XRCC5: variants seen among roughly 807,000 people sequenced by gnomAD.
XRCC5 encodes the protein X-ray repair cross complementing 5.
Under a neutral mutation model 95.7 loss-of-function variants are expected in XRCC5, and 12 were observed. The observed-to-expected ratio is 0.13, with a 90% CI of 0.08 to 0.20. The LOEUF (loss-of-function observed/expected upper bound fraction) is 0.20. XRCC5 is among the 10% of genes least tolerant of loss of function. The pLI, the probability that XRCC5 is intolerant of heterozygous loss-of-function variation, is 1.00. For synonymous variants in XRCC5, 281 were observed against 290.3 expected (o/e 0.97, Z 0.33); for missense variants, 595 against 873.9 (o/e 0.68, Z 4.02).
At chr2:216,110,839 C>G (rs1215257512) in intron 1 of XRCC5, among the ~76,000 whole-genome samples, 1 of 151,408 alleles carries the variant, frequency 6.6e-6, no homozygotes, top group Admixed American at 6.6e-5. Flanking sequence ...GGCATTGAAA[C>G]TGGGATGTGC....
intron 13 of XRCC5, among the ~76,000 whole-genome samples, chr2:216,144,859 G>T (rs928537540): frequency 8.5e-5 from 13 of 152,178 alleles, no homozygotes; most frequent in African/African-American, 3.1e-4. Flanking sequence ...GTAGAGAACT[G>T]CAACACGTGA....
At chr2:216,134,864 C>T (rs1205358362) in intron 10 of XRCC5, among the ~76,000 whole-genome samples, 1 of 152,190 alleles carries the variant, frequency 6.6e-6, no homozygotes, top group Non-Finnish European at 1.5e-5. Context: ...TGGGACTTAA[C>T]TATTAGAACA....
chr2:216,172,938 T>C (rs1487980573), intron 16 of XRCC5, among the ~76,000 whole-genome samples: 2 of 152,252 alleles, frequency 1.3e-5, no homozygotes, highest in Non-Finnish European at 2.9e-5. Context: ...TTTATAGTTT[T>C]TAGTGTACAA....
chr2:216,118,343 T>C (rs1559237247), intron 4 of XRCC5, among the ~76,000 whole-genome samples: 1 of 152,018 alleles, frequency 6.6e-6, no homozygotes, highest in Non-Finnish European at 1.5e-5. Flanking sequence ...TCCAGCTAAT[T>C]TTAAAATTTT....
intron 20 of XRCC5, 83 bp downstream of exon 20, chr2:216,204,479 A>T: frequency 6.9e-7 from 1 of 1,449,954 alleles, no homozygotes; most frequent in Non-Finnish European, 9.7e-7. Flanking sequence ...TGATTATCTT[A>T]CACTTGTTGC....
intron 16 of XRCC5, 60 bp downstream of exon 16, chr2:216,162,108 CTAGAT>C: frequency 6.8e-7 from 1 of 1,465,108 alleles, no homozygotes; most frequent in Non-Finnish European, 9.6e-7. Context: ...AATTTAAAGT[CTAGAT>C]TAAGAACTGT....
chr2:216,148,326 G>A (rs1364938340), intron 14 of XRCC5, 50 bp downstream of exon 14: 2 of 1,537,908 alleles, frequency 1.3e-6, no homozygotes, highest in East Asian at 4.6e-5. Flanking sequence ...TAAGAGTTGT[G>A]GTCATTTTAG....
intron 16 of XRCC5, among the ~76,000 whole-genome samples, chr2:216,184,049 TGTGTGTGTGTGTGTGTGTGTGTGTGA>T (rs1352247308): frequency 1.3e-5 from 2 of 148,470 alleles, no homozygotes; most frequent in African/African-American, 4.9e-5. Flanking sequence ...TGTGTGTGTG[TGTGTGTGTGTGTGTGTGTGTGTGTGA>T]TTTAGAGAAA....
chr2:216,193,749 A>G (rs555115045), intron 18 of XRCC5, among the ~76,000 whole-genome samples: 39 of 152,378 alleles, frequency 2.6e-4, no homozygotes, highest in African/African-American at 7.7e-4. Flanking sequence ...TGCAAAATCC[A>G]TATTTTCTGA....
At chr2:216,188,861 G>C (rs1190879320) in intron 16 of XRCC5, among the ~76,000 whole-genome samples, 1 of 152,222 alleles carries the variant, frequency 6.6e-6, no homozygotes, top group East Asian at 1.9e-4. Context: ...CGTTGGTAAA[G>C]ATTTTTGAAA....
At chr2:216,200,482 T>C (rs1689815938) in intron 19 of XRCC5, among the ~76,000 whole-genome samples, 1 of 152,226 alleles carries the variant, frequency 6.6e-6, no homozygotes, top group Non-Finnish European at 1.5e-5. Context: ...TGTTACCCAA[T>C]ATTTATTTAA....
intron 15 of XRCC5, among the ~76,000 whole-genome samples, chr2:216,160,685 TAA>T (rs1491465521): frequency 2.6e-5 from 4 of 151,380 alleles, no homozygotes; most frequent in Admixed American, 6.6e-5. Flanking sequence ...ATTAATTAAT[TAA>T]TTAATTTTTA....
In XRCC5 at chr2:216,187,466, C is replaced by CTGTGTGTGTGTG. The variant is rs140171958; in HGVS notation, c.1835-2715_1835-2704dup. ...AATATTTTTCTCTGTAAGATAGCAA[C>CTGTGTGTGTGTG]TGTGTGTGTGTGTGTGTGTGTGTGT... is the stretch of plus-strand genomic sequence containing the variant. On this transcript the variant is annotated intron_variant, in intron 16 of 20. Transcript: ENST00000392132. 9.6e-4 allele frequency among the ~76,000 whole-genome samples: 107 copies of CTGTGTGTGTGTG among 111,370 alleles called. 1 individual carries two copies. Among genetic ancestry groups the CTGTGTGTGTGTG allele is most frequent in the Middle Eastern group, 5.6e-3 (1 of 180 alleles). The allele number at this position is 111,370 out of a possible 152,430, so 73.1% of individuals were successfully genotyped here. A position where few individuals can be genotyped will look rare whatever the true frequency, so the allele number is the denominator to read the frequency against.
At position 216,162,040 on chromosome 2, in the gene XRCC5, T is replaced by C; in HGVS notation, c.1826T>C (p.Phe609Ser). The change falls in exon 16 of 21, where the codon TTT becomes TCT. Residue 609 changes from phenylalanine to serine, a missense_variant. Coordinates refer to ENST00000392132, the MANE Select transcript of XRCC5 (RefSeq NM_021141.4). ...CTAGTGAAACAGAAGAAGGCCAGCT[T>C]TGAGGAAGGTGAGTGGTTGACTTTG... is the stretch of plus-strand genomic sequence containing the variant. ...RVLVKQKKAS[F>S]EEASNQLINH... The C allele has an allele frequency of 6.2e-7, 1 of 1,614,120 alleles. No individual in the cohort carries two copies. The highest frequency in any genetic ancestry group is 1.1e-5 in the South Asian group (1 of 91,080).
intron 16 of XRCC5, among the ~76,000 whole-genome samples, chr2:216,165,074 CTG>C (rs1289740361): frequency 6.6e-6 from 1 of 152,184 alleles, no homozygotes; most frequent in African/African-American, 2.4e-5. Context: ...GATGGATAAA[CTG>C]TAAAATTGGA....
chr2:216,130,615 G>C, intron 8 of XRCC5: 1 of 303,788 alleles, frequency 3.3e-6, no homozygotes, highest in Non-Finnish European at 6.0e-6. Context: ...GGTAATCATT[G>C]AGCTAACTAG....
chr2:216,146,834 C>T (rs370065288), intron 13 of XRCC5, among the ~76,000 whole-genome samples: 10 of 152,204 alleles, frequency 6.6e-5, no homozygotes, highest in African/African-American at 1.7e-4. Context: ...TTCTTGACAC[C>T]GCTGTCAACA....
Position 216,159,529 on chromosome 2 carries a change from G to A in XRCC5, c.1671-539G>A, listed in dbSNP as rs1688910340. On this transcript the variant is annotated intron_variant, in intron 14 of 20. Transcript: ENST00000392132. The stretch of plus-strand genomic sequence containing the variant: ...TTATAGTTTACGACTTCTTTAAGAG[G>A]GAAAGCTCTTGCATAGTTAATTAAG... 2.6e-5 allele frequency among the ~76,000 whole-genome samples: 4 copies of A among 152,088 alleles called. No individual in the cohort carries two copies. The South Asian group carries it at 8.3e-4, about 31-fold the overall frequency.
intron 10 of XRCC5, among the ~76,000 whole-genome samples, chr2:216,136,141 G>T (rs1038985929): frequency 2.0e-5 from 3 of 152,112 alleles, no homozygotes; most frequent in Non-Finnish European, 4.4e-5. Flanking sequence ...CGGATCACCT[G>T]AAGTTGGGAG....
Sources: allele counts gnomAD v4.1 joint callset (sites outside exome capture counted in the v4.1 genomes callset), GRCh38; gene constraint gnomAD v4.1.1; transcripts MANE v1.5; gene names NCBI Gene and HGNC (gene_info 2026-07-23, HGNC 2026-07-21).